Variants in PI4KA observed in about 807,000 individuals in gnomAD.
The protein encoded by PI4KA is phosphatidylinositol 4-kinase alpha.
PI4KA carries 122 observed loss-of-function variants against 271.4 expected under a neutral mutation model. The ratio of observed to expected loss-of-function variants is 0.45; its 90% CI spans 0.39 to 0.52. PI4KA has a LOEUF of 0.52. Ranked by LOEUF, PI4KA falls within the 20% of genes least tolerant of loss-of-function variation. The pLI is 0.00. For missense variants in PI4KA, 1,969 were observed against 2,769.1 expected (o/e 0.71, Z 6.48); for synonymous variants, 1,041 against 1,078.8 (o/e 0.96, Z 0.69).
chr22:20,849,704 A>G (rs1280348779), intron 1 of PI4KA, among the ~76,000 whole-genome samples: 1 of 152,126 alleles, frequency 6.6e-6, no homozygotes, highest in Non-Finnish European at 1.5e-5. Flanking sequence ...AATACAAAAA[A>G]TTAGCCGGGC....
chr22:20,803,106 G>A (rs1935423632), intron 13 of PI4KA, 85 bp downstream of exon 13: 1 of 1,401,830 alleles, frequency 7.1e-7, no homozygotes, highest in Non-Finnish European at 1.0e-6. Context: ...ATGCACCCAG[G>A]TACAGTCATG....
intron 42 of PI4KA, chr22:20,721,853 T>C (rs1056525132): frequency 5.9e-6 from 1 of 170,204 alleles, no homozygotes. Context: ...GACACACTGA[T>C]ATGATTAGGT....
At chr22:20,845,609 TAAAC>T (rs956593047) in intron 1 of PI4KA, among the ~76,000 whole-genome samples, 2 of 152,216 alleles carry the variant, frequency 1.3e-5, no homozygotes, top group Non-Finnish European at 2.9e-5. Context: ...GCTATCATGA[TAAAC>T]AAAGGTGACT....
In PI4KA at chr22:20,728,627, G is replaced by A. The variant is rs182288328; in HGVS notation, c.4682+686C>T. On this transcript the variant is annotated intron_variant, in intron 39 of 54. Coordinates refer to ENST00000255882, the MANE Select transcript of PI4KA (RefSeq NM_058004.4). The stretch of plus-strand genomic sequence containing the variant: ...TTCCCACCTCAGGCTAATGCAAGGC[G>A]GATGTCCCATGAGCACTGTGCTTTG... 1.7e-3 allele frequency among the ~76,000 whole-genome samples: 260 copies of A among 152,328 alleles called. 2 individuals carry two copies. Among genetic ancestry groups the A allele is most frequent in the African/African-American group, 6.0e-3 (249 of 41,576 alleles).
At position 20,817,105 on chromosome 22, in the gene PI4KA, A is replaced by C. The variant is rs150489298; in HGVS notation, c.856+1378T>G. 2.7e-4 allele frequency among the ~76,000 whole-genome samples: 41 copies of C among 152,310 alleles called. No individual in the cohort carries two copies. In the East Asian group the frequency reaches 7.1e-3, roughly 27 times the overall value. ...CTCTTATATTCTAACACATATATAG[A>C]ATGTAACCTGTTACATTCTCACAGA... On this transcript the variant is annotated intron_variant, in intron 7 of 54. Coordinates refer to ENST00000255882, the MANE Select transcript of PI4KA (RefSeq NM_058004.4).
intron 2 of PI4KA, among the ~76,000 whole-genome samples, chr22:20,836,934 C>T (rs769930961): frequency 6.6e-6 from 1 of 152,132 alleles, no homozygotes; most frequent in East Asian, 1.9e-4. Flanking sequence ...TATCAAGAAA[C>T]GTGTTTGCCA....
chr22:20,759,217 T>C (rs1272281826), intron 23 of PI4KA, among the ~76,000 whole-genome samples: 2 of 152,048 alleles, frequency 1.3e-5, no homozygotes, highest in Admixed American at 6.6e-5. Context: ...CAGCTAATTA[T>C]ATTTTTTGTA....
intron 32 of PI4KA, 128 bp downstream of exon 32, chr22:20,742,100 G>A: frequency 4.5e-6 from 4 of 894,570 alleles, no homozygotes; most frequent in Non-Finnish European, 5.2e-6. Flanking sequence ...TCTGTAAGGA[G>A]ACTGAGGCTT....
At chr22:20,851,433 G>A (rs542596987) in intron 1 of PI4KA, among the ~76,000 whole-genome samples, 1 of 152,170 alleles carries the variant, frequency 6.6e-6, no homozygotes, top group Admixed American at 6.5e-5. Context: ...CACCTCCCGG[G>A]TTCAAGCAAT....
At chr22:20,792,930 G>A (rs955445630) in intron 19 of PI4KA, among the ~76,000 whole-genome samples, 2 of 152,160 alleles carry the variant, frequency 1.3e-5, no homozygotes, top group African/African-American at 4.8e-5. Flanking sequence ...GAGCCACCCG[G>A]CAGGGAACCA....
At chr22:20,805,505 G>A (rs1348800035) in intron 10 of PI4KA, among the ~76,000 whole-genome samples, 1 of 152,172 alleles carries the variant, frequency 6.6e-6, no homozygotes, top group Non-Finnish European at 1.5e-5. Context: ...CTGACAATAT[G>A]AGATACTTCT....
intron 54 of PI4KA, among the ~76,000 whole-genome samples, chr22:20,708,540 A>G (rs1005125907): frequency 7.0e-6 from 1 of 142,040 alleles, no homozygotes; most frequent in African/African-American, 2.8e-5. Flanking sequence ...AGGGTGCCGG[A>G]CCCGGGCGCC....
rs749429133 is a variant in PI4KA at position 20,799,142 on chromosome 22, A to AG, written c.1954dup (p.Leu652ProfsTer7). 2 of 1,613,008 alleles carry AG rather than the reference A, an allele frequency of 1.2e-6. No homozygotes were observed. The highest frequency in any genetic ancestry group is 8.5e-7 in the Non-Finnish European group (1 of 1,179,608). Reference sequence around the variant, plus strand: ...CAGCTGGTCAATAATCAGCACATCGAGGGGGGAGGGTGGCTGGCAGAATTT... The same window carrying AG: ...CAGCTGGTCAATAATCAGCACATCGAGGGGGGGAGGGTGGCTGGCAGAATTT... On this transcript the variant is annotated frameshift_variant, in exon 16 of 55. Coordinates refer to ENST00000255882, the MANE Select transcript of PI4KA (RefSeq NM_058004.4). LOFTEE classifies it high-confidence loss of function.
At chr22:20,804,437 C>T in intron 11 of PI4KA, 37 bp from the exon 12 acceptor site, 1 of 1,372,186 alleles carries the variant, frequency 7.3e-7, no homozygotes, top group East Asian at 2.3e-5. Flanking sequence ...GAGTGATCAG[C>T]ACAGGCCAGT....
At chr22:20,779,242 A>G (rs746567923) in intron 19 of PI4KA, 2 of 1,608,864 alleles carry the variant, frequency 1.2e-6, no homozygotes, top group Non-Finnish European at 1.7e-6. Flanking sequence ...TGGATGCTGC[A>G]GCGGGGTGTG....
At chr22:20,856,050 G>C (rs1186601483) in intron 1 of PI4KA, among the ~76,000 whole-genome samples, 1 of 152,210 alleles carries the variant, frequency 6.6e-6, no homozygotes, top group African/African-American at 2.4e-5. Context: ...GGGAGACCAA[G>C]GCGGGTGGAT....
chr22:20,747,746 T>A (rs1405040278), intron 28 of PI4KA, 44 bp from the exon 29 acceptor site: 5 of 1,594,482 alleles, frequency 3.1e-6, no homozygotes, highest in Non-Finnish European at 3.4e-6. Flanking sequence ...TTTATCTGAT[T>A]TTTTTAGAGG....
At chr22:20,822,677 CA>C (rs1280561577) in intron 4 of PI4KA, among the ~76,000 whole-genome samples, 2 of 152,192 alleles carry the variant, frequency 1.3e-5, no homozygotes, top group Non-Finnish European at 2.9e-5. Flanking sequence ...ATTTGGCCCT[CA>C]GCCCATATAA....
chr22:20,745,487 G>T (rs1183767985), intron 29 of PI4KA, among the ~76,000 whole-genome samples: 2 of 151,880 alleles, frequency 1.3e-5, no homozygotes, highest in Admixed American at 1.3e-4. Flanking sequence ...ATTTTTTTTT[G>T]AGGGGACATG....
Sources: allele counts gnomAD v4.1 joint callset (sites outside exome capture counted in the v4.1 genomes callset), GRCh38; gene constraint gnomAD v4.1.1; transcripts MANE v1.5; gene names NCBI Gene and HGNC (gene_info 2026-07-23, HGNC 2026-07-21).